RBM25: variants seen among roughly 807,000 people sequenced by gnomAD.
RBM25 encodes RNA-binding protein 25.
RBM25 carries 19 observed loss-of-function variants against 120.7 expected under a neutral mutation model. The ratio of observed to expected loss-of-function variants is 0.16; its 90% confidence interval spans 0.11 to 0.23. RBM25 has a LOEUF of 0.23. Among genes scored for constraint, RBM25 ranks in the 10% least tolerant of loss-of-function variants. The probability of loss-of-function intolerance (pLI) is 1.00; values close to 1 mark genes in which losing one functional copy is unlikely to be tolerated. For missense variants in RBM25, 605 were observed against 1,041.5 expected (o/e 0.58, Z 5.77); for synonymous variants, 390 against 326.7 (o/e 1.19, Z -2.09).
At chr14:73,076,878 A>G (rs1319984660) in intron 3 of RBM25, among the ~76,000 whole-genome samples, 1 of 152,254 alleles carries the variant, frequency 6.6e-6, no homozygotes, top group Non-Finnish European at 1.5e-5. Context: ...CCAGGAGTTC[A>G]AGACTAGCCT....
At chr14:73,103,787 C>A (rs569236723) in intron 10 of RBM25, among the ~76,000 whole-genome samples, 1 of 152,190 alleles carries the variant, frequency 6.6e-6, no homozygotes, top group East Asian at 1.9e-4. Flanking sequence ...CTCCTGGCCT[C>A]AAGTGATCCG....
chr14:73,118,816 T>C (rs999292423), intron 18 of RBM25, among the ~76,000 whole-genome samples: 5 of 152,182 alleles, frequency 3.3e-5, no homozygotes, highest in African/African-American at 1.2e-4. Context: ...TTGACCAGGC[T>C]GGAGTGCAGT....
rs1396566335 is a variant in RBM25 at position 73,120,192 on chromosome 14, T to C, written c.*387T>C. On this transcript the variant is annotated 3_prime_UTR_variant, in exon 19 of 19. Coordinates refer to ENST00000261973, the MANE Select transcript of RBM25 (RefSeq NM_021239.3). ...TAGGAACCAACATGAACAATTTTAATTGAAAACACCAGTCATAAACTATTA... is the reference window on the plus strand; with the variant it reads ...TAGGAACCAACATGAACAATTTTAACTGAAAACACCAGTCATAAACTATTA... 1 of 156,628 alleles carries C rather than the reference T, an allele frequency of 6.4e-6. No homozygotes were observed. The highest frequency in any genetic ancestry group is 1.9e-4 in the East Asian group (1 of 5,342). The allele number at this position is 156,628 out of a possible 1,614,324, so 9.7% of individuals were successfully genotyped here. A position where few individuals can be genotyped will look rare whatever the true frequency, so the allele number is the denominator to read the frequency against.
chr14:73,069,340 C>A (rs1895219857), intron 1 of RBM25, among the ~76,000 whole-genome samples: 1 of 152,172 alleles, frequency 6.6e-6, no homozygotes, highest in Non-Finnish European at 1.5e-5. Context: ...GCAGTAGATA[C>A]CAAACTGTTG....
At position 73,058,565 on chromosome 14, in the gene RBM25, T is replaced by C. The variant is rs574521181; in HGVS notation, c.-156T>C. 2.0e-5 allele frequency: 3 copies of C among 152,268 alleles called. No homozygotes were observed. In the East Asian group the frequency reaches 5.8e-4, roughly 29 times the overall value. The allele number at this position is 152,268 out of a possible 1,614,324, so 9.4% of individuals were successfully genotyped here. A position where few individuals can be genotyped will look rare whatever the true frequency, so the allele number is the denominator to read the frequency against. On this transcript the variant is annotated 5_prime_UTR_variant, in exon 1 of 19. Coordinates refer to ENST00000261973, the MANE Select transcript of RBM25 (RefSeq NM_021239.3). ...CCATCAGCTCGCCGCGCAGCGCGGC[T>C]GTATTTGCGGCCTGTGCGAGTAGGC...
At chr14:73,077,581 C>A in intron 4 of RBM25, 45 bp downstream of exon 4, 1 of 1,466,346 alleles carries the variant, frequency 6.8e-7, no homozygotes, top group South Asian at 1.4e-5. Context: ...TTTTATCATT[C>A]TACATTTCAA....
At chr14:73,079,662 C>T (rs566961868) in intron 4 of RBM25, among the ~76,000 whole-genome samples, 8 of 150,696 alleles carry the variant, frequency 5.3e-5, no homozygotes, top group African/African-American at 1.9e-4. Flanking sequence ...TGGGCAATTA[C>T]TTTACATCAT....
intron 14 of RBM25, among the ~76,000 whole-genome samples, chr14:73,110,165 G>A (rs575306646): frequency 7.3e-5 from 11 of 149,746 alleles, no homozygotes; most frequent in Middle Eastern, 3.5e-3. Flanking sequence ...GATTACAGGA[G>A]TGAACCACCG....
chr14:73,097,095 G>C lies in RBM25; in HGVS notation c.724G>C (p.Glu242Gln). 1.2e-6 allele frequency: 2 copies of C among 1,608,712 alleles called. No individual in the cohort carries two copies. Among genetic ancestry groups the C allele is most frequent in the Non-Finnish European group, 1.7e-6 (2 of 1,177,984 alleles). The change falls in exon 7 of 19, where the codon GAG becomes CAG. Residue 242 changes from glutamate to glutamine, a missense_variant. By Grantham distance (29) the Glu-to-Gln change is conservative. Coordinates refer to ENST00000261973, the MANE Select transcript of RBM25 (RefSeq NM_021239.3). ...CAGGAAGAAGAAGAAGGAAAAGAAG[G>C]AGGACGTATGTGTTCTGACAACAAC... ...HPRKKKKEKK[E>Q]DIFRRFPVAP...
chr14:73,114,207 G>A, intron 17 of RBM25, 79 bp from the exon 18 acceptor site: 5 of 1,003,424 alleles, frequency 5.0e-6, no homozygotes, highest in South Asian at 1.6e-5. Context: ...TGAATTTGAG[G>A]ATTCATACCT....
At chr14:73,106,326 A>C in intron 12 of RBM25, 41 bp downstream of exon 12, 1 of 1,498,302 alleles carries the variant, frequency 6.7e-7, no homozygotes. Context: ...TCAGGTAAAA[A>C]GTCAGATTGT....
chr14:73,062,634 G>T (rs1895030084), intron 1 of RBM25, among the ~76,000 whole-genome samples: 1 of 151,428 alleles, frequency 6.6e-6, no homozygotes, highest in East Asian at 1.9e-4. Flanking sequence ...AAAAAGAAAA[G>T]CTGAGTGCAT....
At chr14:73,069,722 C>T (rs1335906548) in intron 1 of RBM25, 1 of 122,990 alleles carries the variant, frequency 8.1e-6, no homozygotes, top group African/African-American at 3.1e-5. Context: ...GCATGAGCCA[C>T]CGTGCCTGGC....
intron 9 of RBM25, chr14:73,102,730 G>C (rs1033736357): frequency 6.5e-6 from 1 of 154,488 alleles, no homozygotes; most frequent in Admixed American, 6.4e-5. Context: ...TTGCATTATA[G>C]GTATTCTTCT....
chr14:73,111,932 C>T (rs1042138320), intron 16 of RBM25, 130 bp downstream of exon 16: 4 of 1,231,912 alleles, frequency 3.2e-6, no homozygotes, highest in Non-Finnish European at 4.5e-6. Flanking sequence ...CATCTTGACA[C>T]CAACTCAATG....
At position 73,058,695 on chromosome 14, in the gene RBM25, C is replaced by T. The variant is rs919901429; in HGVS notation, c.-26C>T. 1 of 152,180 alleles carries T rather than the reference C, an allele frequency of 6.6e-6. No homozygotes were observed. The highest frequency in any genetic ancestry group is 1.5e-5 in the Non-Finnish European group (1 of 68,068). 9.4% of individuals were successfully genotyped at this position (152,180 alleles called of 1,614,324 possible). ...AAGGTCGCGAAGGCAGTACCGTTTCCTCAGCGGCGGGTGAGTTTGTGTCTC... is the reference window on the plus strand; with the variant it reads ...AAGGTCGCGAAGGCAGTACCGTTTCTTCAGCGGCGGGTGAGTTTGTGTCTC... On this transcript the variant is annotated 5_prime_UTR_variant, in exon 1 of 19. Coordinates refer to ENST00000261973, the MANE Select transcript of RBM25 (RefSeq NM_021239.3).
chr14:73,110,423 TTTTTTCTTTTTC>T (rs575685265), intron 14 of RBM25, among the ~76,000 whole-genome samples: 5 of 151,652 alleles, frequency 3.3e-5, no homozygotes, highest in African/African-American at 9.7e-5. Context: ...ATGTCCTTTT[TTTTTTCTTTTTC>T]TTTTTCTTTT....
chr14:73,098,975 A>C (rs1439373633), intron 7 of RBM25, among the ~76,000 whole-genome samples: 5 of 152,204 alleles, frequency 3.3e-5, no homozygotes, highest in African/African-American at 1.2e-4. Flanking sequence ...GTACAGGGTA[A>C]TTGAGGCCTG....
At chr14:73,084,069 TG>T (rs1190261483) in intron 5 of RBM25, among the ~76,000 whole-genome samples, 2 of 151,850 alleles carry the variant, frequency 1.3e-5, no homozygotes, top group East Asian at 1.9e-4. Flanking sequence ...GGCTAATTTT[TG>T]TATTTTTAGT....
Sources: allele counts gnomAD v4.1 joint callset (sites outside exome capture counted in the v4.1 genomes callset), GRCh38; gene constraint gnomAD v4.1.1; transcripts MANE v1.5; gene names NCBI Gene and HGNC (gene_info 2026-07-23, HGNC 2026-07-21).